The following NCOA5 variants were observed in gnomAD, a reference collection of about 807,000 sequenced individuals.
The protein encoded by NCOA5 is nuclear receptor coactivator 5.
A neutral mutation model predicts 59.0 loss-of-function variants in NCOA5; 12 were observed. That is an observed-to-expected ratio of 0.20 (90% CI 0.13 to 0.33). The LOEUF (loss-of-function observed/expected upper bound fraction) is 0.33, where lower values mean the gene tolerates loss of function less well. Ranked by LOEUF, NCOA5 falls within the 10% of genes least tolerant of loss-of-function variation. NCOA5 has a pLI of 1.00. For missense variants in NCOA5, 655 were observed against 766.6 expected, an observed-to-expected ratio of 0.85 and a Z score of 1.72; for synonymous variants, 270 against 275.5, an observed-to-expected ratio of 0.98 and a Z score of 0.20.
intron 3 of NCOA5, 58 bp from the exon 4 acceptor site, chr20:46,068,696 A>C (rs1352880233): frequency 9.1e-6 from 14 of 1,544,720 alleles, no homozygotes; most frequent in African/African-American, 1.4e-5. Context: ...TGAAAAAGTC[A>C]CCTAGAGAAT....
intron 1 of NCOA5, among the ~76,000 whole-genome samples, chr20:46,080,161 A>G (rs2084976894): frequency 6.6e-6 from 1 of 152,218 alleles, no homozygotes. Context: ...AGGCTGGCGT[A>G]TAGAACTAGA....
At chr20:46,077,465 TAA>T (rs910645011) in intron 2 of NCOA5, among the ~76,000 whole-genome samples, 4 of 152,204 alleles carry the variant, frequency 2.6e-5, no homozygotes, top group Non-Finnish European at 4.4e-5. Flanking sequence ...CAGGATGATA[TAA>T]AATACCCTTC....
At position 46,082,231 on chromosome 20, in the gene NCOA5, C is replaced by T. The variant is rs189930273; in HGVS notation, c.-29-2778G>A. On this transcript the variant is annotated intron_variant, in intron 1 of 7. Coordinates refer to ENST00000290231, the MANE Select transcript of NCOA5 (RefSeq NM_020967.3). ...ACAAAAGAATGGGGTGAAGAATTCC[C>T]AAAGAAAGACACAGTATCTAATCTA... Among the ~76,000 whole-genome samples the T allele has an allele frequency of 4.6e-5, 7 of 152,032 alleles. No homozygotes were observed. In the East Asian group the frequency reaches 7.7e-4, roughly 17 times the overall value.
intron 5 of NCOA5, 115 bp from the exon 6 acceptor site, chr20:46,065,343 G>A (rs113537651): frequency 6.3e-6 from 6 of 947,106 alleles, no homozygotes; most frequent in African/African-American, 1.6e-5. Context: ...CCCCAGTACC[G>A]TATTCAGGAT....
At chr20:46,088,844 G>C (rs2085069894) in intron 1 of NCOA5, among the ~76,000 whole-genome samples, 1 of 152,212 alleles carries the variant, frequency 6.6e-6, no homozygotes. Flanking sequence ...TTCCCAAAGT[G>C]TGGAACGCAG....
intron 1 of NCOA5, among the ~76,000 whole-genome samples, chr20:46,086,752 C>G (rs75500239): frequency 1.3e-4 from 20 of 152,144 alleles, no homozygotes; most frequent in Non-Finnish European, 2.6e-4. Flanking sequence ...TAATAAACCA[C>G]AAGGTACAGA....
Position 46,072,715 on chromosome 20 carries a change from A to T in NCOA5, c.39-2179T>A, listed in dbSNP as rs2145537008. Among the ~76,000 whole-genome samples, 2 of 152,346 alleles carry T rather than the reference A, an allele frequency of 1.3e-5. 1 individual carries two copies. The highest frequency in any genetic ancestry group is 4.1e-4 in the South Asian group (2 of 4,830). On this transcript the variant is annotated intron_variant, in intron 2 of 7. Transcript: ENST00000290231. ...ATACTCCTCTTCCAGGTCTCAGCAT[A>T]TAAATATCCCCTACTCCCTGATTGT...
At chr20:46,072,352 T>TCACCTATGCTGCCTGG (rs2084891468) in intron 2 of NCOA5, among the ~76,000 whole-genome samples, 1 of 152,166 alleles carries the variant, frequency 6.6e-6, no homozygotes, top group African/African-American at 2.4e-5. Flanking sequence ...GGATGAGATC[T>TCACCTATGCTGCCTGG]CACCTATGCT....
intron 2 of NCOA5, among the ~76,000 whole-genome samples, chr20:46,076,292 T>C (rs2084937795): frequency 6.6e-6 from 1 of 151,966 alleles, no homozygotes; most frequent in Admixed American, 6.6e-5. Context: ...ATTGATACAT[T>C]TGGAGTTATC....
chr20:46,062,272 G>T lies in NCOA5; in HGVS notation c.*28C>A. 1 of 1,572,486 alleles carries T rather than the reference G, an allele frequency of 6.4e-7. No individual in the cohort carries two copies. Among genetic ancestry groups the T allele is most frequent in the Non-Finnish European group, 8.7e-7 (1 of 1,148,914 alleles). On this transcript the variant is annotated 3_prime_UTR_variant, in exon 8 of 8. Coordinates refer to ENST00000290231, the MANE Select transcript of NCOA5 (RefSeq NM_020967.3). ...AGTGGGAGGAGGCCAGGGGATGAGG[G>T]GACTGGGGAGAGTTGAAAGATTTAG...
At position 46,062,604 on chromosome 20, in the gene NCOA5, G is replaced by T. The variant is rs761471398; in HGVS notation, c.1436C>A (p.Ala479Asp). The change falls in exon 8 of 8, where the codon GCT (alanine) becomes GAT (aspartate). Residue 479 changes from alanine to aspartate, a missense_variant. Ala to Asp is a moderately radical substitution (Grantham distance 126). This residue lies in a region of NCOA5 where 325 missense variants were observed against 353.2 expected (regional missense o/e 0.92). Coordinates refer to ENST00000290231, the MANE Select transcript of NCOA5 (RefSeq NM_020967.3). ...AATGCTTGGAGGCTGATTGCCAGAAGCCTGTGATCTTTGTTGAGGCTGGCT... is the reference window on the plus strand; with the variant it reads ...AATGCTTGGAGGCTGATTGCCAGAATCCTGTGATCTTTGTTGAGGCTGGCT... ...ANSQPQQRSQASGNQPPSILG... is the reference protein window; with the variant it reads ...ANSQPQQRSQDSGNQPPSILG... 8 of 1,614,238 alleles carry T rather than the reference G, an allele frequency of 5.0e-6. No individual in the cohort carries two copies. The highest frequency in any genetic ancestry group is 6.8e-6 in the Non-Finnish European group (8 of 1,180,042).
intron 5 of NCOA5, among the ~76,000 whole-genome samples, chr20:46,066,796 C>T (rs2084828698): frequency 6.6e-6 from 1 of 152,190 alleles, no homozygotes; most frequent in Non-Finnish European, 1.5e-5. Flanking sequence ...AACACAGAGA[C>T]CAATTTTGAT....
chr20:46,070,365 C>A lies in NCOA5; in HGVS notation c.210G>T (p.Arg70=), dbSNP rs1159913111. 1 of 1,613,752 alleles carries A rather than the reference C, an allele frequency of 6.2e-7. No homozygotes were observed. Among genetic ancestry groups the A allele is most frequent in the Non-Finnish European group, 8.5e-7 (1 of 1,179,972 alleles). Residue 70 remains arginine (R), a synonymous_variant, in exon 3 of 8, where the codon CGG becomes CGT. Transcript: ENST00000290231. ...LRDHRHSRDL[R]DHRDSRSVRD... ...GCACACTCCTGCTGTCTCTGTGATCCCGCAAATCTCTACTATGTCTGTGGT... is the reference window on the plus strand; with the variant it reads ...GCACACTCCTGCTGTCTCTGTGATCACGCAAATCTCTACTATGTCTGTGGT...
chr20:46,062,663 G>T lies in NCOA5; in HGVS notation c.1377C>A (p.Asn459Lys), dbSNP rs756208366. The T allele has an allele frequency of 5.6e-6, 9 of 1,614,070 alleles. No homozygotes were observed. Among genetic ancestry groups the T allele is most frequent in the Admixed American group, 1.7e-5 (1 of 60,006 alleles). Residue 459 changes from asparagine to lysine, a missense_variant, in exon 8 of 8, where the codon AAC (asparagine) becomes AAA (lysine). Asn to Lys is a moderately conservative substitution (Grantham distance 94). Transcript: ENST00000290231. Reference protein sequence around the residue: ...SSASPSVAAGNTPNQNFSTAA... With the variant: ...SSASPSVAAGKTPNQNFSTAA... The stretch of plus-strand genomic sequence containing the variant: ...CTGTGGAAAAATTCTGGTTTGGGGT[G>T]TTTCCGGCAGCAACCGAGGGGGATG...
rs764602082 is a variant in NCOA5, at chr20:46,070,484, T to A, written c.91A>T (p.Ile31Phe). The A allele has an allele frequency of 6.2e-7, 1 of 1,613,984 alleles. No individual in the cohort carries two copies. The highest frequency in any genetic ancestry group is 8.5e-7 in the Non-Finnish European group (1 of 1,179,986). ...GGCTCTCTCCTTGGACTTCCTCGAA[T>A]TGGGGATCGATCACGCCTTGAATCT... ...SRDSRRDRSP[I>F]RGSPRREPRD... The change falls in exon 3 of 8, where the codon ATT (isoleucine) becomes TTT (phenylalanine). Residue 31 changes from isoleucine (I) to phenylalanine (F), a missense_variant. Coordinates refer to ENST00000290231, the MANE Select transcript of NCOA5 (RefSeq NM_020967.3).
At chr20:46,076,911 G>T (rs1281148515) in intron 2 of NCOA5, among the ~76,000 whole-genome samples, 1 of 152,134 alleles carries the variant, frequency 6.6e-6, no homozygotes. Context: ...TATATAGTTG[G>T]TAAGGAGCTC....
At chr20:46,069,883 T>C (rs577801397) in intron 3 of NCOA5, among the ~76,000 whole-genome samples, 4 of 152,322 alleles carry the variant, frequency 2.6e-5, no homozygotes, top group African/African-American at 4.8e-5. Flanking sequence ...GCGGAACTGA[T>C]AGATCATATG....
chr20:46,075,419 T>C (rs6094250), intron 2 of NCOA5, among the ~76,000 whole-genome samples: 9,190 of 152,088 alleles, frequency 0.06, 942 homozygotes, highest in African/African-American at 0.21. Context: ...ATTAGGGCCC[T>C]GTGGATAAGC....
chr20:46,064,568 C>T (rs2084801024), intron 6 of NCOA5, among the ~76,000 whole-genome samples: 1 of 152,228 alleles, frequency 6.6e-6, no homozygotes, highest in Non-Finnish European at 1.5e-5. Flanking sequence ...CATTAGAAAG[C>T]TGGCAGAAGC....
Sources: allele counts gnomAD v4.1 joint callset (sites outside exome capture counted in the v4.1 genomes callset), GRCh38; gene constraint gnomAD v4.1.1; regional missense constraint gnomAD v4.1.1; transcripts MANE v1.5; gene names NCBI Gene and HGNC (gene_info 2026-07-23, HGNC 2026-07-21).